SUSD1: variants seen among roughly 807,000 people sequenced by gnomAD.
SUSD1 encodes the protein sushi domain containing 1.
SUSD1 carries 65 observed loss-of-function variants against 86.9 expected under a neutral mutation model. That is an observed-to-expected ratio of 0.75 (90% CI 0.61 to 0.92). The LOEUF (loss-of-function observed/expected upper bound fraction) is 0.92, where lower values mean the gene tolerates loss of function less well. Ranked by LOEUF, SUSD1 falls within the 40% of genes least tolerant of loss-of-function variation. SUSD1 has a pLI of 0.00. For missense variants in SUSD1, 850 were observed against 929.7 expected, an observed-to-expected ratio of 0.91 and a Z score of 1.11; for synonymous variants, 346 against 350.0, an observed-to-expected ratio of 0.99 and a Z score of 0.13.
chr9:112,050,122 A>G (rs1051360466), intron 15 of SUSD1, among the ~76,000 whole-genome samples: 1 of 152,252 alleles, frequency 6.6e-6, no homozygotes, highest in Non-Finnish European at 1.5e-5. Flanking sequence ...TTTCCTCGTG[A>G]GAACGCCATG....
rs1022755992 is a variant in SUSD1 at position 112,041,071 on chromosome 9, A to G, written c.*421T>C. 1 of 253,074 alleles carries G rather than the reference A, an allele frequency of 4.0e-6. No homozygotes were observed. The highest frequency in any genetic ancestry group is 7.6e-6 in the Non-Finnish European group (1 of 131,938). 15.7% of individuals were successfully genotyped at this position (253,074 alleles called of 1,614,324 possible). ...TCTCACTGCATATTGTAAAGAATGGATTCTGAATGAATTAACAGAAATGCT... is the reference window on the plus strand; with the variant it reads ...TCTCACTGCATATTGTAAAGAATGGGTTCTGAATGAATTAACAGAAATGCT... On this transcript the variant is annotated 3_prime_UTR_variant, in exon 17 of 17. Transcript: ENST00000374270.
intron 5 of SUSD1, among the ~76,000 whole-genome samples, chr9:112,132,461 G>A (rs1832074013): frequency 6.6e-6 from 1 of 152,170 alleles, no homozygotes; most frequent in Admixed American, 6.5e-5. Flanking sequence ...ATTCGAGTCA[G>A]TTTTCATCTT....
chr9:112,080,209 A>G lies in SUSD1; in HGVS notation c.1475-44T>C, dbSNP rs757506490. ...GAGAAATCAATTTACACTCTATAGAAAAAATGCTACCTTTTAATTGAGCCA... is the reference window on the plus strand; with the variant it reads ...GAGAAATCAATTTACACTCTATAGAGAAAATGCTACCTTTTAATTGAGCCA... On this transcript the variant is annotated intron_variant, in intron 10 of 16. Coordinates refer to ENST00000374270, the MANE Select transcript of SUSD1 (RefSeq NM_022486.5). 5 of 1,412,338 alleles carry G rather than the reference A, an allele frequency of 3.5e-6. No homozygotes were observed. The East Asian group carries it at 1.1e-4, about 32-fold the overall frequency. 87.5% of individuals were successfully genotyped at this position (1,412,338 alleles called of 1,614,324 possible).
chr9:112,051,271 A>G (rs1828179597), intron 15 of SUSD1, among the ~76,000 whole-genome samples: 1 of 152,204 alleles, frequency 6.6e-6, no homozygotes, highest in South Asian at 2.1e-4. Context: ...ACCAAGAGGA[A>G]GATGCTATCC....
chr9:112,148,819 T>A (rs1220173310), intron 3 of SUSD1, among the ~76,000 whole-genome samples: 1 of 151,478 alleles, frequency 6.6e-6, no homozygotes, highest in Non-Finnish European at 1.5e-5. Context: ...GGCAGGAGAA[T>A]CGCTTGAACC....
At chr9:112,120,837 CT>C (rs1831525493) in intron 6 of SUSD1, among the ~76,000 whole-genome samples, 3 of 152,216 alleles carry the variant, frequency 2.0e-5, no homozygotes, top group African/African-American at 7.2e-5. Flanking sequence ...CCCCCATTGA[CT>C]GCTGAATGTT....
At chr9:112,119,882 C>T (rs1001972875) in intron 6 of SUSD1, among the ~76,000 whole-genome samples, 1 of 152,154 alleles carries the variant, frequency 6.6e-6, no homozygotes, top group African/African-American at 2.4e-5. Context: ...ATCCCAAAGA[C>T]TAGTGGCTTC....
At chr9:112,093,778 T>C (rs1830292722) in intron 10 of SUSD1, among the ~76,000 whole-genome samples, 1 of 152,120 alleles carries the variant, frequency 6.6e-6, no homozygotes, top group Non-Finnish European at 1.5e-5. Context: ...CAAGGCACCA[T>C]GATGGAAGAT....
intron 12 of SUSD1, among the ~76,000 whole-genome samples, chr9:112,068,201 A>G (rs7046443): frequency 0.18 from 27,026 of 152,016 alleles, 2,696 homozygotes; most frequent in African/African-American, 0.26. Flanking sequence ...TGTGAGGAGG[A>G]ACATCTAACT....
chr9:112,064,801 G>A (rs1828901483), intron 12 of SUSD1, among the ~76,000 whole-genome samples: 1 of 151,380 alleles, frequency 6.6e-6, no homozygotes, highest in South Asian at 2.1e-4. Context: ...GCTTGAACCG[G>A]GCAGGCAGAG....
At chr9:112,133,630 A>G (rs899601529) in intron 5 of SUSD1, among the ~76,000 whole-genome samples, 2 of 152,228 alleles carry the variant, frequency 1.3e-5, no homozygotes, top group African/African-American at 4.8e-5. Context: ...GAAAAACTGC[A>G]AAACACCATT....
intron 1 of SUSD1, chr9:112,169,196 G>A (rs1258546158): frequency 6.6e-6 from 1 of 152,002 alleles, no homozygotes; most frequent in Non-Finnish European, 1.5e-5. Context: ...CTCCAGCAAT[G>A]TAATATTTGC....
chr9:112,066,932 G>A (rs1829007634), intron 12 of SUSD1, among the ~76,000 whole-genome samples: 3 of 152,178 alleles, frequency 2.0e-5, no homozygotes, highest in Admixed American at 2.0e-4. Context: ...CTGGAGTACA[G>A]TGGCATGATC....
At chr9:112,064,599 G>A (rs1216015724) in intron 12 of SUSD1, among the ~76,000 whole-genome samples, 1 of 152,308 alleles carries the variant, frequency 6.6e-6, no homozygotes, top group East Asian at 1.9e-4. Flanking sequence ...CGGGTGCGGG[G>A]GTGCGGTGGC....
chr9:112,131,565 T>C (rs1032815814), intron 5 of SUSD1, among the ~76,000 whole-genome samples: 51 of 152,114 alleles, frequency 3.4e-4, no homozygotes, highest in Non-Finnish European at 4.0e-4. Context: ...TCCAAGAAAA[T>C]AGGTAGTTCC....
chr9:112,058,297 G>T, intron 14 of SUSD1, 131 bp downstream of exon 14: 4 of 1,229,328 alleles, frequency 3.3e-6, no homozygotes, highest in Admixed American at 5.5e-5. Context: ...TAAAGGCAAA[G>T]TATTCACAAA....
rs376145851 is a variant in SUSD1 at position 112,114,957 on chromosome 9, T to C, written c.887-2089A>G. Among the ~76,000 whole-genome samples, 4 of 152,336 alleles carry C rather than the reference T, an allele frequency of 2.6e-5. No individual in the cohort carries two copies. The East Asian group carries it at 7.7e-4, about 29-fold the overall frequency. ...AGGCATCATACGCTGACTCTCCTTCTTTCCCTGTTTTACTGCCCTTGTTTC... is the reference window on the plus strand; with the variant it reads ...AGGCATCATACGCTGACTCTCCTTCCTTCCCTGTTTTACTGCCCTTGTTTC... On this transcript the variant is annotated intron_variant, in intron 6 of 16. Transcript: ENST00000374270.
intron 5 of SUSD1, among the ~76,000 whole-genome samples, chr9:112,133,497 G>C (rs1055813463): frequency 1.3e-5 from 2 of 152,298 alleles, no homozygotes; most frequent in Admixed American, 6.5e-5. Flanking sequence ...ATGGTGCTGG[G>C]ATAGCTGGCT....
chr9:112,143,533 C>T lies in SUSD1; in HGVS notation c.464G>A (p.Gly155Glu). The T allele has an allele frequency of 6.2e-7, 1 of 1,614,134 alleles. No homozygotes were observed. The highest frequency in any genetic ancestry group is 8.5e-7 in the Non-Finnish European group (1 of 1,180,016). The change falls in exon 4 of 17, where the codon GGA becomes GAA. Residue 155 changes from glycine (G) to glutamate (E), a missense_variant. By Grantham distance (98) the Gly-to-Glu change is moderately conservative. Transcript: ENST00000374270. ...HGSFECYCMD[G>E]YLPRNGPEPF... ...TTCAGGTCCATTCCTTGGCAAGTATCCATCCATACAGTAGCATTCAAAGCT... is the reference window on the plus strand; with the variant it reads ...TTCAGGTCCATTCCTTGGCAAGTATTCATCCATACAGTAGCATTCAAAGCT...
Sources: allele counts gnomAD v4.1 joint callset (sites outside exome capture counted in the v4.1 genomes callset), GRCh38; gene constraint gnomAD v4.1.1; transcripts MANE v1.5; gene names NCBI Gene and HGNC (gene_info 2026-07-23, HGNC 2026-07-21).